Variants in PEX14 observed in about 807,000 individuals in gnomAD.
PEX14 encodes peroxisomal biogenesis factor 14.
PEX14 carries 15 observed loss-of-function variants against 49.5 expected under a neutral mutation model. That is an observed-to-expected ratio of 0.30 (90% confidence interval 0.20 to 0.47). The LOEUF is 0.47. Among genes scored for constraint, PEX14 ranks in the 20% least tolerant of loss-of-function variants. The pLI is 1.00. For synonymous variants in PEX14, 210 were observed against 212.7 expected (o/e 0.99, Z 0.11); for missense variants, 398 against 494.8 (o/e 0.80, Z 1.86).
chr1:10,490,333 A>G (rs1641449256), intron 1 of PEX14, among the ~76,000 whole-genome samples: 1 of 152,090 alleles, frequency 6.6e-6, no homozygotes, highest in Non-Finnish European at 1.5e-5. Flanking sequence ...CTGAAGTCGC[A>G]GTTACTGGGC....
At chr1:10,479,944 C>G (rs1473251859) in intron 1 of PEX14, among the ~76,000 whole-genome samples, 1 of 151,996 alleles carries the variant, frequency 6.6e-6, no homozygotes, top group South Asian at 2.1e-4. Context: ...CTGTAGTGCA[C>G]GATGATCACA....
intron 3 of PEX14, among the ~76,000 whole-genome samples, chr1:10,551,961 C>T (rs1639346306): frequency 6.6e-6 from 1 of 152,030 alleles, no homozygotes; most frequent in South Asian, 2.1e-4. Context: ...GGTGTGGTGG[C>T]AGGCACCTGT....
intron 3 of PEX14, among the ~76,000 whole-genome samples, chr1:10,554,133 C>CAAAAAAAAA (rs33963510): frequency 8.1e-5 from 9 of 111,070 alleles, no homozygotes; most frequent in African/African-American, 1.8e-4. Context: ...ACTAAAAATA[C>CAAAAAAAAA]AAAAAAAAAA....
intron 4 of PEX14, among the ~76,000 whole-genome samples, chr1:10,604,038 G>A (rs1641059775): frequency 6.6e-6 from 1 of 152,208 alleles, no homozygotes; most frequent in Non-Finnish European, 1.5e-5. Context: ...CACTGAGCAA[G>A]CATTGTTATT....
chr1:10,488,679 A>G (rs1239485627), intron 1 of PEX14, among the ~76,000 whole-genome samples: 1 of 147,844 alleles, frequency 6.8e-6, no homozygotes, highest in Non-Finnish European at 1.5e-5. Context: ...TTTTTTTTGT[A>G]TTTTTAGTAG....
chr1:10,523,689 A>C (rs1638372512), intron 2 of PEX14, among the ~76,000 whole-genome samples: 1 of 152,128 alleles, frequency 6.6e-6, no homozygotes, highest in Non-Finnish European at 1.5e-5. Flanking sequence ...GTTCAGAATT[A>C]AAGTACATAA....
At chr1:10,549,926 A>G (rs1639287179) in intron 3 of PEX14, among the ~76,000 whole-genome samples, 1 of 152,174 alleles carries the variant, frequency 6.6e-6, no homozygotes, top group Non-Finnish European at 1.5e-5. Context: ...GATTTTTACT[A>G]TTCATTCATC....
intron 4 of PEX14, among the ~76,000 whole-genome samples, chr1:10,610,986 G>A (rs370951779): frequency 1.1e-3 from 162 of 151,970 alleles, no homozygotes; most frequent in African/African-American, 3.5e-3. Flanking sequence ...GGTTGCTCAC[G>A]CCTGTAATCC....
At chr1:10,606,913 A>G (rs1557870098) in intron 4 of PEX14, among the ~76,000 whole-genome samples, 2 of 152,192 alleles carry the variant, frequency 1.3e-5, no homozygotes, top group Non-Finnish European at 1.5e-5. Context: ...CACCCATTTT[A>G]ATTGTACAAT....
chr1:10,616,631 C>T (rs1264835344), intron 4 of PEX14, among the ~76,000 whole-genome samples: 3 of 152,184 alleles, frequency 2.0e-5, no homozygotes, highest in East Asian at 3.9e-4. Flanking sequence ...GCACCCGCCA[C>T]GTGGCCTGGA....
At chr1:10,501,552 C>T (rs779667971) in intron 2 of PEX14, among the ~76,000 whole-genome samples, 98 of 152,074 alleles carry the variant, frequency 6.4e-4, no homozygotes, top group African/African-American at 1.1e-3. Flanking sequence ...CCGCCCGCCT[C>T]GGCCTCCCAA....
At chr1:10,616,296 A>G (rs1641413966) in intron 4 of PEX14, among the ~76,000 whole-genome samples, 2 of 152,184 alleles carry the variant, frequency 1.3e-5, no homozygotes, top group Admixed American at 1.3e-4. Context: ...CCTGAGCTGA[A>G]GGAAAGAACG....
intron 1 of PEX14, among the ~76,000 whole-genome samples, chr1:10,482,408 G>A (rs1363712101): frequency 6.6e-6 from 1 of 151,532 alleles, no homozygotes; most frequent in African/African-American, 2.4e-5. Context: ...GGGATTATAG[G>A]CGTGAGCCCC....
intron 2 of PEX14, among the ~76,000 whole-genome samples, chr1:10,520,145 C>CTTTTTTT (rs1412156646): frequency 4.7e-5 from 3 of 64,448 alleles, no homozygotes; most frequent in African/African-American, 1.8e-4. Flanking sequence ...TGGCCTTCTT[C>CTTTTTTT]TTCTTTTTTT....
chr1:10,571,017 T>TG (rs1390574286), intron 3 of PEX14, among the ~76,000 whole-genome samples: 1 of 19,384 alleles, frequency 5.2e-5, no homozygotes, highest in African/African-American at 8.5e-5. Context: ...CCTGGCTAGT[T>TG]TTTTTTTTTT....
rs1641829084 is a variant in PEX14 at position 10,628,975 on chromosome 1, G to A, written c.678-556G>A. On this transcript the variant is annotated intron_variant, in intron 8 of 8. Transcript: ENST00000356607. The surrounding 1 kb of genome is among the most constrained non-coding windows in gnomAD (Gnocchi z 4.5). ...GAGCTGCCTCTTCTGCGTTGAAAGT[G>A]TTGAGCTCAGAAGTTTTCTAGCAAA... 6.6e-6 allele frequency among the ~76,000 whole-genome samples: 1 copy of A among 152,226 alleles called. No homozygotes were observed. Among genetic ancestry groups the A allele is most frequent in the East Asian group, 1.9e-4 (1 of 5,190 alleles).
intron 2 of PEX14, among the ~76,000 whole-genome samples, chr1:10,515,149 C>A (rs958953242): frequency 1.3e-5 from 2 of 151,860 alleles, no homozygotes; most frequent in African/African-American, 4.8e-5. Flanking sequence ...AAATGCACTA[C>A]TTAAATTATG....
At chr1:10,548,384 G>C (rs1343789693) in intron 3 of PEX14, among the ~76,000 whole-genome samples, 1 of 152,208 alleles carries the variant, frequency 6.6e-6, no homozygotes, top group East Asian at 1.9e-4. Flanking sequence ...GAAAATGTTA[G>C]AAGCAGGGAT....
At chr1:10,517,901 A>G (rs1175526377) in intron 2 of PEX14, among the ~76,000 whole-genome samples, 1 of 152,112 alleles carries the variant, frequency 6.6e-6, no homozygotes, top group African/African-American at 2.4e-5. Context: ...GCAGAAGCCC[A>G]ATTTGAATGC....
Sources: gnomAD v4.1 joint callset for allele counts (sites outside exome capture counted in the v4.1 genomes callset) on GRCh38, gnomAD v4.1.1 for gene constraint, Gnocchi (gnomAD v3.1) non-coding constraint, MANE v1.5 for transcripts, NCBI Gene and HGNC (gene_info 2026-07-23, HGNC 2026-07-21) for gene names.